The following GDA variants were observed in gnomAD, a reference collection of about 807,000 sequenced individuals.
The protein encoded by GDA is guanine deaminase.
In GDA, 18 loss-of-function variants were observed where a neutral mutation model predicts 59.6. The observed-to-expected ratio is 0.30, with a 90% CI of 0.21 to 0.45. GDA has a LOEUF of 0.45. GDA is among the 20% of genes least tolerant of loss of function. The pLI is 1.00. For synonymous variants in GDA, 201 were observed against 201.1 expected, an observed-to-expected ratio of 1.00 and a Z score of 0.00; for missense variants, 427 against 552.3, an observed-to-expected ratio of 0.77 and a Z score of 2.27.
chr9:72,174,417 T>A (rs1276602477), intron 1 of GDA, among the ~76,000 whole-genome samples: 2 of 152,252 alleles, frequency 1.3e-5, no homozygotes, highest in Non-Finnish European at 2.9e-5. Flanking sequence ...CTTGTAATCT[T>A]CACAGCTTGT....
At chr9:72,151,602 G>GT (rs1020310782) in intron 1 of GDA, among the ~76,000 whole-genome samples, 76 of 149,846 alleles carry the variant, frequency 5.1e-4, no homozygotes, top group East Asian at 1.4e-3. Flanking sequence ...TTTTTTTTTG[G>GT]TTTTTTTTTG....
In GDA at chr9:72,157,961, C is replaced by T. The variant is rs574524645; in HGVS notation, c.123+8279C>T. On this transcript the variant is annotated intron_variant, in intron 1 of 13. Coordinates refer to ENST00000358399, the MANE Select transcript of GDA (RefSeq NM_004293.5). Reference sequence around the variant, plus strand: ...AGCACATCATGTCCTTTTATGCCTCCACATTGTTGGCACCAATTTCTTTGC... The same window carrying T: ...AGCACATCATGTCCTTTTATGCCTCTACATTGTTGGCACCAATTTCTTTGC... Among the ~76,000 whole-genome samples the T allele has an allele frequency of 2.6e-5, 4 of 152,312 alleles. No individual in the cohort carries two copies. In the East Asian group the frequency reaches 7.7e-4, roughly 29 times the overall value.
chr9:72,256,138 GTTAA>G (rs1235225465), downstream of GDA, among the ~76,000 whole-genome samples: 2 of 152,124 alleles, frequency 1.3e-5, no homozygotes, highest in African/African-American at 2.4e-5. Flanking sequence ...CTTAAAAAAG[GTTAA>G]TTAGTTGGTT....
intron 1 of GDA, among the ~76,000 whole-genome samples, chr9:72,155,249 T>A (rs1255339892): frequency 6.6e-6 from 1 of 151,878 alleles, no homozygotes; most frequent in East Asian, 1.9e-4. Context: ...ATGAGGAAGA[T>A]GAAAAAGCGG....
At position 72,250,418 on chromosome 9, in the gene GDA, C is replaced by T. The variant is rs1288244299; in HGVS notation, c.*2076C>T. On this transcript the variant is annotated 3_prime_UTR_variant, in exon 14 of 14. Transcript: ENST00000358399. ...GTAGGAATGGCCGTATACAACCATC[C>T]TGTTAAACATTTAAATTTAGCTCTG... is the stretch of plus-strand genomic sequence containing the variant. 8.4e-7 allele frequency: 1 copy of T among 1,193,862 alleles called. No individual in the cohort carries two copies. Among genetic ancestry groups the T allele is most frequent in the East Asian group, 5.2e-5 (1 of 19,110 alleles). The allele number at this position is 1,193,862 out of a possible 1,614,324, so 74.0% of individuals were successfully genotyped here.
chr9:72,256,924 A>G (rs1217431475), downstream of GDA: 1 of 152,298 alleles, frequency 6.6e-6, no homozygotes, highest in Non-Finnish European at 1.5e-5. Flanking sequence ...CTGAGTGCAG[A>G]AACTGTGGGT....
intron 4 of GDA, among the ~76,000 whole-genome samples, chr9:72,212,081 T>C (rs959340649): frequency 6.6e-6 from 1 of 152,216 alleles, no homozygotes; most frequent in Non-Finnish European, 1.5e-5. Flanking sequence ...GCTTTCTTGC[T>C]GAAATAGAAT....
chr9:72,210,821 C>T, intron 4 of GDA, 47 bp downstream of exon 4: 3 of 1,173,352 alleles, frequency 2.6e-6, no homozygotes, highest in Admixed American at 1.7e-5. Context: ...CAAAGACAGC[C>T]AGACCATCGT....
intron 1 of GDA, among the ~76,000 whole-genome samples, chr9:72,127,636 CAAAA>C (rs369132489): frequency 3.3e-5 from 4 of 120,832 alleles, no homozygotes; most frequent in Admixed American, 8.3e-5. Context: ...GACTCTGTCT[CAAAA>C]AAAAAAAAAA....
At chr9:72,120,239 G>A (rs1009008540) in intron 1 of GDA, among the ~76,000 whole-genome samples, 3 of 151,018 alleles carry the variant, frequency 2.0e-5, no homozygotes, top group African/African-American at 7.3e-5. Context: ...CTAGGCTAGA[G>A]TGTGGTGGCA....
intron 1 of GDA, among the ~76,000 whole-genome samples, chr9:72,137,836 G>A (rs1312909206): frequency 6.6e-6 from 1 of 152,100 alleles, no homozygotes; most frequent in Non-Finnish European, 1.5e-5. Flanking sequence ...TCCCTGGGGA[G>A]TGTAAGAATT....
intron 2 of GDA, among the ~76,000 whole-genome samples, chr9:72,198,530 CA>C (rs57886644): frequency 2.1e-3 from 224 of 108,806 alleles, no homozygotes; most frequent in Middle Eastern, 5.6e-3. Flanking sequence ...GACTCCATCT[CA>C]AAAAAAAAAA....
intron 7 of GDA, 28 bp downstream of exon 7, chr9:72,223,255 C>T: frequency 8.5e-7 from 1 of 1,179,748 alleles, no homozygotes; most frequent in Non-Finnish European, 1.3e-6. Flanking sequence ...CTTTATGCCT[C>T]TATGCAGACC....
intron 1 of GDA, among the ~76,000 whole-genome samples, chr9:72,169,336 G>A (rs902604947): frequency 1.6e-4 from 24 of 152,270 alleles, no homozygotes; most frequent in Admixed American, 1.0e-3. Flanking sequence ...GTTGAATTAA[G>A]TAAATAAAGC....
At position 72,250,419 on chromosome 9, in the gene GDA, T is replaced by C; in HGVS notation, c.*2077T>C. On this transcript the variant is annotated 3_prime_UTR_variant, in exon 14 of 14. Transcript: ENST00000358399. ...TAGGAATGGCCGTATACAACCATCC[T>C]GTTAAACATTTAAATTTAGCTCTGA... The C allele has an allele frequency of 8.3e-7, 1 of 1,200,024 alleles. No homozygotes were observed. The allele number at this position is 1,200,024 out of a possible 1,614,324, so 74.3% of individuals were successfully genotyped here.
rs34771500 is a variant in GDA, at chr9:72,250,200, A to C, written c.*1858A>C. On this transcript the variant is annotated 3_prime_UTR_variant, in exon 14 of 14. Transcript: ENST00000358399. ...AAAGGAACTTGATTACATGGTGTCT[A>C]ACCAAATGAGCAGGCTTAGGAATTT... 0.027 allele frequency: 26,496 copies of C among 985,226 alleles called. 425 individuals carry two copies. Among genetic ancestry groups the C allele is most frequent in the Non-Finnish European group, 0.03 (24,586 of 829,636 alleles). The allele number at this position is 985,226 out of a possible 1,614,324, so 61.0% of individuals were successfully genotyped here. A position where few individuals can be genotyped will look rare whatever the true frequency, so the allele number is the denominator to read the frequency against.
upstream of GDA, among the ~76,000 whole-genome samples, chr9:72,147,210 T>C (rs1826672181): frequency 1.3e-5 from 2 of 152,142 alleles, 1 homozygote; most frequent in South Asian, 4.1e-4. Context: ...TGTTTGTTTG[T>C]TTTGTTTTGT....
chr9:72,167,572 C>T (rs1464920813), intron 1 of GDA, among the ~76,000 whole-genome samples: 1 of 152,164 alleles, frequency 6.6e-6, no homozygotes. Flanking sequence ...ACTTTCTGTC[C>T]ACCACTGGTT....
Position 72,191,007 on chromosome 9 carries a change from C to T in GDA, c.124-4493C>T, listed in dbSNP as rs1345608519. On this transcript the variant is annotated intron_variant, in intron 1 of 13. Transcript: ENST00000358399. ...TTTTAGGAATAATTTTAACATAAAT[C>T]GAGTAGATGCGAATGGAAAAAGTTT... 3.3e-5 allele frequency among the ~76,000 whole-genome samples: 5 copies of T among 152,008 alleles called. No individual in the cohort carries two copies. The East Asian group carries it at 5.8e-4, about 18-fold the overall frequency.
Sources: gnomAD v4.1 joint callset for allele counts (sites outside exome capture counted in the v4.1 genomes callset) on GRCh38, gnomAD v4.1.1 for gene constraint, MANE v1.5 for transcripts, NCBI Gene and HGNC (gene_info 2026-07-23, HGNC 2026-07-21) for gene names.